Variants in KIAA1958 observed in about 807,000 individuals in gnomAD.
KIAA1958 encodes the protein uncharacterized protein KIAA1958.
In KIAA1958, 14 loss-of-function variants were observed where a neutral mutation model predicts 47.2. The observed-to-expected ratio is 0.30, with a 90% confidence interval of 0.20 to 0.46. KIAA1958 has a LOEUF of 0.46. Ranked by LOEUF, KIAA1958 falls within the 20% of genes least tolerant of loss-of-function variation. The pLI is 1.00. For missense variants in KIAA1958, 803 were observed against 909.2 expected, an observed-to-expected ratio of 0.88 and a Z score of 1.50; for synonymous variants, 354 against 353.3, an observed-to-expected ratio of 1.00 and a Z score of -0.02.
intron 3 of KIAA1958, among the ~76,000 whole-genome samples, chr9:112,646,653 C>A (rs1024625423): frequency 2.6e-5 from 4 of 152,148 alleles, no homozygotes; most frequent in Non-Finnish European, 5.9e-5. Context: ...AGGAGGATTG[C>A]GTGAACCCAA....
chr9:112,605,360 G>A (rs182593970), intron 2 of KIAA1958, among the ~76,000 whole-genome samples: 2 of 152,252 alleles, frequency 1.3e-5, no homozygotes, highest in Admixed American at 1.3e-4. Flanking sequence ...TGACTTGGAT[G>A]TTCTCCTGTT....
chr9:112,645,554 C>G, intron 2 of KIAA1958, 96 bp from the exon 3 acceptor site: 2 of 782,772 alleles, frequency 2.6e-6, no homozygotes, highest in Non-Finnish European at 4.0e-6. Flanking sequence ...AAAGTGTTGT[C>G]TTTTAGAGTT....
chr9:112,487,685 G>T (rs1833886433), intron 1 of KIAA1958, among the ~76,000 whole-genome samples: 1 of 152,110 alleles, frequency 6.6e-6, no homozygotes, highest in African/African-American at 2.4e-5. Flanking sequence ...GTTTCTAACG[G>T]AGGAGGGCTT....
At chr9:112,525,376 A>G (rs1249642743) in intron 1 of KIAA1958, among the ~76,000 whole-genome samples, 1 of 152,226 alleles carries the variant, frequency 6.6e-6, no homozygotes, top group Admixed American at 6.5e-5. Flanking sequence ...CATAAACACT[A>G]GAAATACATT....
chr9:112,543,832 C>CAG (rs1239609616), intron 1 of KIAA1958, among the ~76,000 whole-genome samples: 4 of 152,116 alleles, frequency 2.6e-5, no homozygotes, highest in Non-Finnish European at 5.9e-5. Flanking sequence ...CTCGGCCTCC[C>CAG]ACAGTTCTGA....
chr9:112,580,132 T>C (rs1164381424), intron 2 of KIAA1958, among the ~76,000 whole-genome samples: 4 of 152,090 alleles, frequency 2.6e-5, no homozygotes, highest in Non-Finnish European at 4.4e-5. Flanking sequence ...GGAAATGGTA[T>C]TGAGACCAAG....
chr9:112,618,761 C>G lies in KIAA1958; in HGVS notation c.1172-26889C>G. The G allele has an allele frequency of 6.4e-7, 1 of 1,550,644 alleles. No individual in the cohort carries two copies. Among genetic ancestry groups the G allele is most frequent in the Non-Finnish European group, 8.7e-7 (1 of 1,147,014 alleles). ...CAGGAAAACCAACTTCAGTGTGTATCAGAGCTGCAGCACCTTGTCTGAGGC... is the reference window on the plus strand; with the variant it reads ...CAGGAAAACCAACTTCAGTGTGTATGAGAGCTGCAGCACCTTGTCTGAGGC... On this transcript the variant is annotated intron_variant, in intron 2 of 3. Transcript: ENST00000337530. This position sits in a 1 kb window ranked among gnomAD's most constrained non-coding sequence, Gnocchi z 7.1.
intron 1 of KIAA1958, among the ~76,000 whole-genome samples, chr9:112,492,545 CTACCTACATATG>C (rs1312342400): frequency 6.6e-6 from 1 of 152,160 alleles, no homozygotes; most frequent in Non-Finnish European, 1.5e-5. Flanking sequence ...GTATACCTAC[CTACCTACATATG>C]TACATACATA....
intron 2 of KIAA1958, among the ~76,000 whole-genome samples, chr9:112,575,637 C>T (rs2131175751): frequency 6.6e-6 from 1 of 152,158 alleles, no homozygotes; most frequent in Middle Eastern, 3.4e-3. Flanking sequence ...TTGGGTAAGG[C>T]ATATCATGAC....
intron 2 of KIAA1958, among the ~76,000 whole-genome samples, chr9:112,583,242 C>T (rs1835763899): frequency 6.6e-6 from 1 of 152,184 alleles, no homozygotes; most frequent in South Asian, 2.1e-4. Context: ...TCAAATGCAT[C>T]CACATCAGAC....
intron 2 of KIAA1958, among the ~76,000 whole-genome samples, chr9:112,644,897 A>T (rs1836950466): frequency 6.6e-6 from 1 of 152,178 alleles, no homozygotes; most frequent in Non-Finnish European, 1.5e-5. Flanking sequence ...GCCCTTTGGG[A>T]GGCCGAGGTG....
chr9:112,668,610 C>T lies in KIAA1958; in HGVS notation c.*8541C>T, dbSNP rs1254091332. ...GTCAGCTCTGATGCTCAGTTTCTTC[C>T]TGGCAATAGAATGGTTTTATCTGTG... On this transcript the variant is annotated 3_prime_UTR_variant, in exon 4 of 4. Transcript: ENST00000337530. The T allele has an allele frequency of 6.6e-6, 1 of 152,206 alleles. No individual in the cohort carries two copies. Among genetic ancestry groups the T allele is most frequent in the African/African-American group, 2.4e-5 (1 of 41,462 alleles). 9.4% of individuals were successfully genotyped at this position (152,206 alleles called of 1,614,324 possible). A position where few individuals can be genotyped will look rare whatever the true frequency, so the allele number is the denominator to read the frequency against.
chr9:112,659,439 C>T lies in KIAA1958; in HGVS notation c.1521C>T (p.Thr507=). Residue 507 remains threonine (T), a synonymous_variant, in exon 4 of 4, where the codon ACC becomes ACT. Transcript: ENST00000337530. ...SITSSTFSSS[T]KKLKEKLWVL... ...CCAGCAGCACCTTCAGCTCCTCCAC[C>T]AAGAAACTCAAGGAGAAGCTGTGGG... 1 of 1,614,136 alleles carries T rather than the reference C, an allele frequency of 6.2e-7. No homozygotes were observed. The highest frequency in any genetic ancestry group is 8.5e-7 in the Non-Finnish European group (1 of 1,180,016).
At chr9:112,509,172 C>T (rs1034936667) in intron 1 of KIAA1958, among the ~76,000 whole-genome samples, 3 of 147,412 alleles carry the variant, frequency 2.0e-5, no homozygotes, top group Non-Finnish European at 3.0e-5. Flanking sequence ...AAATAAGCAT[C>T]GTTGTAAGAA....
intron 2 of KIAA1958, among the ~76,000 whole-genome samples, chr9:112,603,812 T>C (rs1471075098): frequency 1.3e-5 from 2 of 152,354 alleles, no homozygotes; most frequent in East Asian, 1.9e-4. Context: ...TTATCTCAGC[T>C]GCAACTTCAT....
intron 3 of KIAA1958, among the ~76,000 whole-genome samples, chr9:112,655,665 A>C (rs1186705139): frequency 6.6e-6 from 1 of 152,230 alleles, no homozygotes; most frequent in Non-Finnish European, 1.5e-5. Context: ...ACCATTTTCA[A>C]CTTTGGCTGG....
Position 112,516,192 on chromosome 9 carries a change from C to G in KIAA1958, c.-25+29074C>G, listed in dbSNP as rs563497808. On this transcript the variant is annotated intron_variant, in intron 1 of 3. Coordinates refer to ENST00000337530, the MANE Select transcript of KIAA1958 (RefSeq NM_133465.4). ...ATTCAATTCATAGAAGTTAATTGTTCTAGCACTTTGAGAGGCCAAGGCAGG... is the reference window on the plus strand; with the variant it reads ...ATTCAATTCATAGAAGTTAATTGTTGTAGCACTTTGAGAGGCCAAGGCAGG... Among the ~76,000 whole-genome samples, 16 of 151,884 alleles carry G rather than the reference C, an allele frequency of 1.1e-4. No homozygotes were observed. In the South Asian group the frequency reaches 3.3e-3, roughly 31 times the overall value.
intron 1 of KIAA1958, among the ~76,000 whole-genome samples, chr9:112,487,654 G>A (rs1360090460): frequency 1.3e-5 from 2 of 152,150 alleles, no homozygotes; most frequent in Non-Finnish European, 2.9e-5. Flanking sequence ...GAACGTGCAT[G>A]GCTTCGCTCC....
At position 112,659,386 on chromosome 9, in the gene KIAA1958, A is replaced by C; in HGVS notation, c.1468A>C (p.Lys490Gln). 3.1e-6 allele frequency: 5 copies of C among 1,614,130 alleles called. No homozygotes were observed. Among genetic ancestry groups the C allele is most frequent in the Non-Finnish European group, 4.2e-6 (5 of 1,180,028 alleles). The change falls in exon 4 of 4, where the codon AAG (lysine) becomes CAG (glutamine). Residue 490 changes from lysine to glutamine, a missense_variant. Physicochemically the swap from Lys to Gln is moderately conservative, Grantham distance 53. This residue lies in a region of KIAA1958 where 761 missense variants were observed against 829.3 expected (regional missense o/e 0.92). Coordinates refer to ENST00000337530, the MANE Select transcript of KIAA1958 (RefSeq NM_133465.4). ...TCGCCGAGGCCTGGACCGCATCCTG[A>C]AGAATGCAGGTGTCGGCTTTTCCAT... ...AIRRGLDRIL[K>Q]NAGVGFSITS...
Sources: gnomAD v4.1 joint callset for allele counts (sites outside exome capture counted in the v4.1 genomes callset) on GRCh38, gnomAD v4.1.1 for gene constraint, gnomAD v4.1.1 regional missense constraint, Gnocchi (gnomAD v3.1) non-coding constraint, MANE v1.5 for transcripts, NCBI Gene and HGNC (gene_info 2026-07-23, HGNC 2026-07-21) for gene names.